The following FAT4 variants were observed in gnomAD, a reference collection of about 807,000 sequenced individuals.
FAT4 encodes the protein FAT atypical cadherin 4, also known as protocadherin Fat 4.
In FAT4, 84 loss-of-function variants were observed where a neutral mutation model predicts 303.9. The observed-to-expected ratio is 0.28, with a 90% confidence interval of 0.23 to 0.33. The LOEUF (loss-of-function observed/expected upper bound fraction) is 0.33. Ranked by LOEUF, FAT4 falls within the 10% of genes least tolerant of loss-of-function variation. The pLI, the probability that FAT4 is intolerant of heterozygous loss-of-function variation, is 1.00. For synonymous variants in FAT4, 2,307 were observed against 2,298.8 expected, an observed-to-expected ratio of 1.00 and a Z score of -0.10; for missense variants, 6,005 against 6,146.8, an observed-to-expected ratio of 0.98 and a Z score of 0.77.
chr4:125,350,563 T>G (rs1461897335), intron 2 of FAT4, among the ~76,000 whole-genome samples: 1 of 151,502 alleles, frequency 6.6e-6, no homozygotes, highest in African/African-American at 2.4e-5. Flanking sequence ...TGCTTCAGAG[T>G]TGGTAGATTT....
intron 10 of FAT4, among the ~76,000 whole-genome samples, chr4:125,455,700 C>G (rs1726254579): frequency 6.6e-6 from 1 of 152,120 alleles, no homozygotes; most frequent in Admixed American, 6.5e-5. Context: ...ACTCATCACA[C>G]TTTGATTTGC....
intron 2 of FAT4, among the ~76,000 whole-genome samples, chr4:125,350,400 TACTTC>T (rs1027332507): frequency 3.0e-4 from 45 of 151,990 alleles, no homozygotes; most frequent in African/African-American, 1.1e-3. Flanking sequence ...AACTTCATCC[TACTTC>T]ACTTAATCTT....
intron 2 of FAT4, among the ~76,000 whole-genome samples, chr4:125,343,553 T>G (rs2125970653): frequency 6.6e-6 from 1 of 152,324 alleles, no homozygotes; most frequent in African/African-American, 2.4e-5. Context: ...TAGCACTTAA[T>G]AATTTTATCT....
chr4:125,415,100 A>G lies in FAT4; in HGVS notation c.6137A>G (p.Asp2046Gly). 6.2e-7 allele frequency: 1 copy of G among 1,614,034 alleles called. No homozygotes were observed. Among genetic ancestry groups the G allele is most frequent in the Non-Finnish European group, 8.5e-7 (1 of 1,179,914 alleles). The change falls in exon 6 of 18, where the codon GAT (aspartate) becomes GGT (glycine). Residue 2046 changes from aspartate to glycine, a missense_variant. Physicochemically the swap from Asp to Gly is moderately conservative, Grantham distance 94. Coordinates refer to ENST00000394329, the MANE Select transcript of FAT4 (RefSeq NM_001291303.3). ...QVSIILLDVN[D>G]NPPTFLSPKL... ...TCCATTATTTTGTTGGATGTAAATG[A>G]TAACCCACCGACATTTCTTTCCCCT...
In FAT4 at chr4:125,450,263, A is replaced by G; in HGVS notation, c.9253A>G (p.Asn3085Asp). 6.2e-7 allele frequency: 1 copy of G among 1,614,084 alleles called. No homozygotes were observed. The highest frequency in any genetic ancestry group is 1.1e-5 in the South Asian group (1 of 91,078). The change falls in exon 10 of 18, where the codon AAC becomes GAC. Residue 3085 changes from asparagine (N) to aspartate (D), a missense_variant. By Grantham distance (23) the Asn-to-Asp change is conservative. Transcript: ENST00000394329. The stretch of plus-strand genomic sequence containing the variant: ...TGTTCACATAACTGTCACTGAGGAA[A>G]ACTACCATACACCTGAATTCTCTCA... ...ATVHITVTEE[N>D]YHTPEFSQSH...
intron 10 of FAT4, among the ~76,000 whole-genome samples, chr4:125,462,977 G>A (rs1022898087): frequency 1.3e-4 from 20 of 151,976 alleles, no homozygotes; most frequent in South Asian, 2.1e-4. Context: ...AGGTATTATC[G>A]CTTCAGACAA....
chr4:125,453,575 G>A (rs1009235646), intron 10 of FAT4, among the ~76,000 whole-genome samples: 4 of 152,020 alleles, frequency 2.6e-5, no homozygotes, highest in Non-Finnish European at 5.9e-5. Flanking sequence ...GCGCGGTGTT[G>A]TGCGCCTGTA....
Position 125,490,664 on chromosome 4 carries a change from G to A in FAT4, c.13848G>A (p.Glu4616=). The A allele has an allele frequency of 3.7e-6, 6 of 1,614,150 alleles. No individual in the cohort carries two copies. The highest frequency in any genetic ancestry group is 5.1e-6 in the Non-Finnish European group (6 of 1,180,030). The change falls in exon 18 of 18, where the codon GAG becomes GAA. Residue 4616 remains glutamate (E), a synonymous_variant. Coordinates refer to ENST00000394329, the MANE Select transcript of FAT4 (RefSeq NM_001291303.3). ...TIPSAPLASP[E]QEIEHYDIDN... ...CCAGCGCCCCTTTGGCATCTCCAGA[G>A]CAGGAGATAGAGCACTATGACATTG... is the stretch of plus-strand genomic sequence containing the variant.
intron 2 of FAT4, among the ~76,000 whole-genome samples, chr4:125,361,337 A>G (rs1732658384): frequency 6.6e-6 from 1 of 152,180 alleles, no homozygotes; most frequent in Non-Finnish European, 1.5e-5. Context: ...AAGGGGAATA[A>G]AAAGAATGAG....
At chr4:125,364,447 A>C (rs1453448829) in intron 2 of FAT4, among the ~76,000 whole-genome samples, 1 of 152,134 alleles carries the variant, frequency 6.6e-6, no homozygotes, top group Non-Finnish European at 1.5e-5. Context: ...TATTTTAATA[A>C]ATTATGATAA....
At chr4:125,395,962 A>T (rs1445939797) in intron 2 of FAT4, among the ~76,000 whole-genome samples, 2 of 152,182 alleles carry the variant, frequency 1.3e-5, no homozygotes, top group African/African-American at 4.8e-5. Context: ...TTTTTTAAAA[A>T]ATTTTGACAG....
rs761286125 is a variant in FAT4, at chr4:125,448,989, C to G, written c.7979C>G (p.Thr2660Arg). 1.2e-5 allele frequency: 19 copies of G among 1,613,816 alleles called. No homozygotes were observed. In the Admixed American group the frequency reaches 3.0e-4, roughly 25 times the overall value. ...PFSSYEKLDI[T>R]VLDVNDNAPI... The stretch of plus-strand genomic sequence containing the variant: ...TCCTCTTACGAGAAACTTGATATAA[C>G]AGTATTAGATGTCAATGATAATGCC... Residue 2660 changes from threonine (T) to arginine (R), a missense_variant, in exon 10 of 18, where the codon ACA becomes AGA. Thr to Arg is a moderately conservative substitution (Grantham distance 71, BLOSUM62 -1). Coordinates refer to ENST00000394329, the MANE Select transcript of FAT4 (RefSeq NM_001291303.3).
Position 125,451,580 on chromosome 4 carries a change from C to A in FAT4, c.10570C>A (p.Arg3524=). The change falls in exon 10 of 18, where the codon CGG becomes AGG. Residue 3524 remains arginine, a synonymous_variant. Transcript: ENST00000394329. ...TGAAGGAGAAGTCATGGAAAACAAA[C>A]GGCCAGGCACTTTGGTGATGACCCT... ...VSEGEVMENK[R]PGTLVMTLQS... The A allele has an allele frequency of 6.2e-7, 1 of 1,614,112 alleles. No homozygotes were observed. The highest frequency in any genetic ancestry group is 1.1e-5 in the South Asian group (1 of 91,088).
chr4:125,482,026 A>G (rs951020635), intron 16 of FAT4, among the ~76,000 whole-genome samples: 1 of 152,240 alleles, frequency 6.6e-6, no homozygotes, highest in Non-Finnish European at 1.5e-5. Flanking sequence ...TTTTCTGGTA[A>G]GAATTTATAT....
At chr4:125,424,785 C>T (rs899877631) in intron 7 of FAT4, among the ~76,000 whole-genome samples, 10 of 152,088 alleles carry the variant, frequency 6.6e-5, no homozygotes, top group South Asian at 2.1e-4. Flanking sequence ...AAACATGATG[C>T]GGTTAAATTA....
At chr4:125,488,531 T>G (rs766428876) in intron 17 of FAT4, among the ~76,000 whole-genome samples, 1 of 152,110 alleles carries the variant, frequency 6.6e-6, no homozygotes, top group Non-Finnish European at 1.5e-5. Flanking sequence ...AGGCAAGAAA[T>G]ATTCTGGGAA....
chr4:125,454,812 C>G (rs1006894783), intron 10 of FAT4, among the ~76,000 whole-genome samples: 1 of 152,022 alleles, frequency 6.6e-6, no homozygotes, highest in Non-Finnish European at 1.5e-5. Context: ...CAGCCCAGGC[C>G]GACAACAGTA....
At chr4:125,381,564 C>T (rs1040956131) in intron 2 of FAT4, among the ~76,000 whole-genome samples, 3 of 152,168 alleles carry the variant, frequency 2.0e-5, no homozygotes, top group Admixed American at 6.5e-5. Context: ...TACATGCTAA[C>T]AGCTACCTGA....
chr4:125,366,684 CACAATGGTTGA>C (rs1218695565), intron 2 of FAT4, among the ~76,000 whole-genome samples: 1 of 152,148 alleles, frequency 6.6e-6, no homozygotes, highest in African/African-American at 2.4e-5. Context: ...CACTGTCTTT[CACAATGGTTGA>C]ACTAATTTAC....
Sources: allele counts gnomAD v4.1 joint callset (sites outside exome capture counted in the v4.1 genomes callset), GRCh38; gene constraint gnomAD v4.1.1; transcripts MANE v1.5; gene names NCBI Gene and HGNC (gene_info 2026-07-23, HGNC 2026-07-21).